MUC17: variants seen among roughly 807,000 people sequenced by gnomAD.
The protein encoded by MUC17 is mucin-17.
A neutral mutation model predicts 170.3 loss-of-function variants in MUC17; 190 were observed. The observed-to-expected ratio is 1.12, with a 90% CI of 0.99 to 1.26. The LOEUF is 1.26. MUC17 is among the 50% of genes most tolerant of loss of function. The pLI, the probability that MUC17 is intolerant of heterozygous loss-of-function variation, is 0.00. For synonymous variants in MUC17, 2,325 were observed against 2,002.5 expected, an observed-to-expected ratio of 1.16 and a Z score of -4.30; for missense variants, 6,415 against 5,530.0, an observed-to-expected ratio of 1.16 and a Z score of -5.08.
At position 101,036,003 on chromosome 7, in the gene MUC17, TGAAATCAACA is replaced by T. The variant is rs755888295; in HGVS notation, c.4589_4598del (p.Glu1530AlafsTer13). 13 of 1,612,036 alleles carry T rather than the reference TGAAATCAACA, an allele frequency of 8.1e-6. No homozygotes were observed. Among genetic ancestry groups the T allele is most frequent in the Non-Finnish European group, 1.0e-5 (12 of 1,178,716 alleles). On this transcript the variant is annotated frameshift_variant, in exon 3 of 13. Transcript: ENST00000306151. LOFTEE classifies it high-confidence loss of function. The stretch of plus-strand genomic sequence containing the variant: ...TCAGCACCACAACAGTGGCCAGTTC[TGAAATCAACA>T]GCCTTTCAACAACTCCTGCTGTCAC...
Position 101,031,268 on chromosome 7 carries a change from C to T in MUC17, c.184+47C>T, listed in dbSNP as rs539367677. 71 of 1,586,724 alleles carry T rather than the reference C, an allele frequency of 4.5e-5. No homozygotes were observed. In the East Asian group the frequency reaches 6.1e-4, roughly 14 times the overall value. ...TCTATCTGGGAAGGTGGCTCACCTG[C>T]GAAAGGGCTAGAGCGACCCCTGCCA... On this transcript the variant is annotated intron_variant, in intron 2 of 12. Transcript: ENST00000306151.
intron 1 of MUC17, among the ~76,000 whole-genome samples, chr7:101,022,132 CACCA>C (rs1310226501): frequency 6.6e-6 from 1 of 151,404 alleles, no homozygotes; most frequent in East Asian, 1.9e-4. Context: ...GCACTTCCAT[CACCA>C]TCCCACTCTT....
At chr7:101,054,402 T>A (rs1795012801) in intron 11 of MUC17, among the ~76,000 whole-genome samples, 1 of 152,058 alleles carries the variant, frequency 6.6e-6, no homozygotes, top group South Asian at 2.1e-4. Flanking sequence ...TTTCTAAAAA[T>A]AGAGTCTTTA....
intron 11 of MUC17, 67 bp downstream of exon 11, chr7:101,053,503 C>T (rs1794992465): frequency 5.5e-6 from 7 of 1,267,934 alleles, no homozygotes; most frequent in Admixed American, 3.8e-5. Context: ...GCGGTGGGCT[C>T]ACATCTGTAA....
chr7:101,030,967 G>A (rs1199919161), intron 1 of MUC17, among the ~76,000 whole-genome samples, 153 bp from the exon 2 acceptor site: 1 of 152,146 alleles, frequency 6.6e-6, no homozygotes, highest in East Asian at 1.9e-4. Flanking sequence ...TTACTTTCTG[G>A]GGCAGGGTCC....
At chr7:101,047,218 C>A (rs1794858192) in intron 3 of MUC17, among the ~76,000 whole-genome samples, 1 of 152,074 alleles carries the variant, frequency 6.6e-6, no homozygotes, top group East Asian at 1.9e-4. Context: ...CCAGTATGGG[C>A]TTTTCCAAAG....
intron 3 of MUC17, among the ~76,000 whole-genome samples, chr7:101,047,773 G>A (rs901174484): frequency 6.6e-6 from 1 of 152,200 alleles, no homozygotes; most frequent in Non-Finnish European, 1.5e-5. Context: ...GGAGGTTGCA[G>A]TGAGCCAAGA....
rs1794732839 is a variant in MUC17 at position 101,042,169 on chromosome 7, A to C, written c.10753A>C (p.Ser3585Arg). The part of the protein sequence containing the change: ...SSSLTTMLLS[S>R]TYVTSSEAST... The stretch of plus-strand genomic sequence containing the variant: ...TTCATTAACAACTATGCTCCTCAGC[A>C]GCACATATGTGACCAGTTCTGAGGC... The change falls in exon 3 of 13, where the codon AGC becomes CGC. Residue 3585 changes from serine to arginine, a missense_variant. Physicochemically the swap from Ser to Arg is moderately radical, Grantham distance 110. Transcript: ENST00000306151. The C allele has an allele frequency of 6.2e-7, 1 of 1,614,220 alleles. No homozygotes were observed. Among genetic ancestry groups the C allele is most frequent in the African/African-American group, 1.3e-5 (1 of 75,052 alleles).
At chr7:101,052,865 T>C in intron 9 of MUC17, 121 bp from the exon 10 acceptor site, 1 of 1,227,206 alleles carries the variant, frequency 8.1e-7, no homozygotes, top group Non-Finnish European at 1.1e-6. Context: ...CCTTGCTTTA[T>C]GCCCCCTGGC....
At chr7:101,024,224 A>C (rs1257402568) in intron 1 of MUC17, among the ~76,000 whole-genome samples, 1 of 151,128 alleles carries the variant, frequency 6.6e-6, no homozygotes, top group Non-Finnish European at 1.5e-5. Context: ...ACCTGGCAAA[A>C]CCCCATCTCT....
At position 101,035,210 on chromosome 7, in the gene MUC17, G is replaced by C; in HGVS notation, c.3794G>C (p.Gly1265Ala). 1.9e-6 allele frequency: 3 copies of C among 1,608,940 alleles called. No homozygotes were observed. The highest frequency in any genetic ancestry group is 2.5e-6 in the Non-Finnish European group (3 of 1,177,132). The change falls in exon 3 of 13, where the codon GGT becomes GCT. Residue 1265 changes from glycine to alanine, a missense_variant. By Grantham distance (60) the Gly-to-Ala change is moderately conservative. Coordinates refer to ENST00000306151, the MANE Select transcript of MUC17 (RefSeq NM_001040105.2). ...AGTTCCTCTCCTACAACCGCTGAAG[G>C]TACCAGCTTGCCAACCTCAACTACT... ...ETSSSPTTAE[G>A]TSLPTSTTSE...
chr7:101,041,477 G>T lies in MUC17; in HGVS notation c.10061G>T (p.Ser3354Ile). The change falls in exon 3 of 13, where the codon AGT becomes ATT. Residue 3354 changes from serine (S) to isoleucine (I), a missense_variant. Coordinates refer to ENST00000306151, the MANE Select transcript of MUC17 (RefSeq NM_001040105.2). The stretch of plus-strand genomic sequence containing the variant: ...TCTTTCAGCACCACGCCAGTGGTCA[G>T]TTCTGAGGCTAGCACCCTTTCCACA... Reference protein sequence around the residue: ...NMSFSTTPVVSSEASTLSTTP... With the variant: ...NMSFSTTPVVISEASTLSTTP... 1 of 1,613,996 alleles carries T rather than the reference G, an allele frequency of 6.2e-7. No individual in the cohort carries two copies. Among genetic ancestry groups the T allele is most frequent in the African/African-American group, 1.3e-5 (1 of 74,978 alleles).
In MUC17 at chr7:101,038,735, C is replaced by G. The variant is rs371884670; in HGVS notation, c.7319C>G (p.Thr2440Ser). Reference sequence around the variant, plus strand: ...ACTGAAGCCAGTTCATCTCCTACAACTGCTGAAGGTACCAGCATACCAACC... The same window carrying G: ...ACTGAAGCCAGTTCATCTCCTACAAGTGCTGAAGGTACCAGCATACCAACC... ...TSTEASSSPTTAEGTSIPTSP... is the reference protein window; with the variant it reads ...TSTEASSSPTSAEGTSIPTSP... The change falls in exon 3 of 13, where the codon ACT (threonine) becomes AGT (serine). Residue 2440 changes from threonine (T) to serine (S), a missense_variant. Coordinates refer to ENST00000306151, the MANE Select transcript of MUC17 (RefSeq NM_001040105.2). The G allele has an allele frequency of 6.2e-7, 1 of 1,613,046 alleles. No individual in the cohort carries two copies. The highest frequency in any genetic ancestry group is 1.3e-5 in the African/African-American group (1 of 74,822).
In MUC17 at chr7:101,038,911, A is replaced by G. The variant is rs1208586962; in HGVS notation, c.7495A>G (p.Thr2499Ala). 4 of 1,613,284 alleles carry G rather than the reference A, an allele frequency of 2.5e-6. No individual in the cohort carries two copies. The highest frequency in any genetic ancestry group is 3.4e-6 in the Non-Finnish European group (4 of 1,179,914). Reference protein sequence around the residue: ...TSTEASSSPTTAEDIVVPIST... With the variant: ...TSTEASSSPTAAEDIVVPIST... ...TACTGAAGCCAGTTCATCTCCTACA[A>G]CTGCTGAAGATATCGTCGTGCCAAT... Residue 2499 changes from threonine (T) to alanine (A), a missense_variant, in exon 3 of 13, where the codon ACT becomes GCT. Transcript: ENST00000306151.
chr7:101,045,654 A>G (rs1031568826), intron 3 of MUC17, among the ~76,000 whole-genome samples: 7 of 152,060 alleles, frequency 4.6e-5, no homozygotes, highest in Non-Finnish European at 8.8e-5. Context: ...CAGCTTCCCA[A>G]AGTGTTAGGA....
Position 101,034,177 on chromosome 7 carries a change from G to A in MUC17, c.2761G>A (p.Glu921Lys), listed in dbSNP as rs1221471231. ...GTSMPTSTPG[E>K]GSTPLTSMPD... is the part of the protein sequence containing the mutation. ...CAGCATGCCAACCTCAACTCCTGGG[G>A]AAGGAAGCACTCCATTAACAAGTAT... The change falls in exon 3 of 13, where the codon GAA (glutamate) becomes AAA (lysine). Residue 921 changes from glutamate (E) to lysine (K), a missense_variant. Glu to Lys is a moderately conservative substitution (Grantham distance 56, BLOSUM62 1). Transcript: ENST00000306151. The A allele has an allele frequency of 3.4e-5, 54 of 1,585,844 alleles. No individual in the cohort carries two copies. In the South Asian group the frequency reaches 5.9e-4, roughly 17 times the overall value.
chr7:101,044,279 T>TCTACAAAGA (rs532916695), intron 3 of MUC17, among the ~76,000 whole-genome samples: 34 of 152,246 alleles, frequency 2.2e-4, no homozygotes, highest in Middle Eastern at 6.8e-3. Flanking sequence ...ATATCCAGAA[T>TCTACAAAGA]CTACAAAGAA....
intron 6 of MUC17, among the ~76,000 whole-genome samples, chr7:101,049,787 T>G (rs1048296024): frequency 6.6e-6 from 1 of 152,232 alleles, no homozygotes. Flanking sequence ...AGACCCTATC[T>G]CCAAATATAG....
At chr7:101,024,533 C>T (rs1202747717) in intron 1 of MUC17, among the ~76,000 whole-genome samples, 5 of 152,168 alleles carry the variant, frequency 3.3e-5, no homozygotes, top group Non-Finnish European at 7.3e-5. Flanking sequence ...CCTCCCACCT[C>T]CCATGGCCCT....
Sources: gnomAD v4.1 joint callset for allele counts (sites outside exome capture counted in the v4.1 genomes callset) on GRCh38, gnomAD v4.1.1 for gene constraint, MANE v1.5 for transcripts, NCBI Gene and HGNC (gene_info 2026-07-23, HGNC 2026-07-21) for gene names.